Variants in ADAMTSL1 observed in about 807,000 individuals in gnomAD.
ADAMTSL1 encodes the protein ADAMTS like 1, also known as ADAMTS-like protein 1.
In ADAMTSL1, 126 loss-of-function variants were observed where a neutral mutation model predicts 201.8. That is an observed-to-expected ratio of 0.62 (90% CI 0.54 to 0.72). The LOEUF is 0.72. Among genes scored for constraint, ADAMTSL1 ranks in the 30% least tolerant of loss-of-function variants. The pLI, the probability that ADAMTSL1 is intolerant of heterozygous loss-of-function variation, is 0.00. For synonymous variants in ADAMTSL1, 1,121 were observed against 903.4 expected, an observed-to-expected ratio of 1.24 and a Z score of -4.32; for missense variants, 2,679 against 2,277.8, an observed-to-expected ratio of 1.18 and a Z score of -3.59.
intron 1 of ADAMTSL1, among the ~76,000 whole-genome samples, chr9:18,490,556 T>A (rs943992898): frequency 6.6e-6 from 1 of 152,120 alleles, no homozygotes; most frequent in African/African-American, 2.4e-5. Context: ...GGAAGAGACG[T>A]AGATTTGTAA....
At chr9:18,740,335 C>T (rs1253212325) in intron 15 of ADAMTSL1, among the ~76,000 whole-genome samples, 1 of 152,130 alleles carries the variant, frequency 6.6e-6, no homozygotes, top group Non-Finnish European at 1.5e-5. Flanking sequence ...GCCCAAAGCA[C>T]CACTGCTTCC....
At chr9:18,454,740 G>A (rs755285086) in intron 2 of ADAMTSL1, among the ~76,000 whole-genome samples, 4 of 152,028 alleles carry the variant, frequency 2.6e-5, no homozygotes, top group South Asian at 2.1e-4. Flanking sequence ...TGGAGCCGAG[G>A]CTAATGTGAA....
At chr9:18,352,508 C>T (rs920902323) in intron 2 of ADAMTSL1, among the ~76,000 whole-genome samples, 1 of 152,180 alleles carries the variant, frequency 6.6e-6, no homozygotes, top group African/African-American at 2.4e-5. Flanking sequence ...CAGTGCATGT[C>T]TTCTCTCTGG....
chr9:18,163,939 T>C (rs1379931823), exon 2 of ADAMTSL1: 2 of 152,018 alleles, frequency 1.3e-5, no homozygotes, highest in African/African-American at 4.8e-5. Context: ...TCCATGAAGA[T>C]TTCCTGTCTG....
At chr9:18,799,158 G>A (rs959558749) in intron 20 of ADAMTSL1, among the ~76,000 whole-genome samples, 1 of 152,154 alleles carries the variant, frequency 6.6e-6, no homozygotes, top group African/African-American at 2.4e-5. Context: ...CTGTTTCACT[G>A]CTCCAAGTGT....
At position 18,084,127 on chromosome 9, in the gene ADAMTSL1, A is replaced by G. The variant is rs142749571; in HGVS notation, c.88-79735A>G. Among the ~76,000 whole-genome samples the G allele has an allele frequency of 1.5e-3, 222 of 152,286 alleles. 1 individual carries two copies. Among genetic ancestry groups the G allele is most frequent in the African/African-American group, 5.2e-3 (216 of 41,566 alleles). On this transcript the variant is annotated intron_variant, in intron 1 of 29. Transcript: ENST00000680146. ...CAAATTCTTTGCCATGCGAGAATCA[A>G]TTTTTTGCCTTAGCTAAAACCCAAG...
At chr9:18,742,137 AT>A (rs1818867386) in intron 15 of ADAMTSL1, among the ~76,000 whole-genome samples, 1 of 152,188 alleles carries the variant, frequency 6.6e-6, no homozygotes, top group Non-Finnish European at 1.5e-5. Context: ...TAGTGACCTC[AT>A]TTTAACTTAA....
intron 1 of ADAMTSL1, among the ~76,000 whole-genome samples, chr9:18,479,801 G>A (rs1821631200): frequency 6.6e-6 from 1 of 152,120 alleles, no homozygotes; most frequent in South Asian, 2.1e-4. Flanking sequence ...GAATGACTTG[G>A]CAAGAAAAGG....
intron 1 of ADAMTSL1, among the ~76,000 whole-genome samples, chr9:18,480,285 T>C (rs1821657829): frequency 6.6e-6 from 1 of 152,138 alleles, no homozygotes; most frequent in South Asian, 2.1e-4. Context: ...TGTAATTGAG[T>C]TCTCATCAGT....
chr9:18,102,228 G>GT (rs527349400), intron 1 of ADAMTSL1, among the ~76,000 whole-genome samples: 5 of 151,844 alleles, frequency 3.3e-5, no homozygotes, highest in African/African-American at 1.2e-4. Flanking sequence ...GTATTTCATG[G>GT]TTTTTTTCTG....
chr9:18,671,133 A>G (rs763820577), intron 9 of ADAMTSL1, among the ~76,000 whole-genome samples: 135 of 152,296 alleles, frequency 8.9e-4, no homozygotes, highest in Admixed American at 1.8e-3. Context: ...TTTTCAGGCT[A>G]TGGTTGAATC....
At chr9:18,748,448 C>G (rs1819268205) in intron 15 of ADAMTSL1, among the ~76,000 whole-genome samples, 1 of 152,172 alleles carries the variant, frequency 6.6e-6, no homozygotes, top group Non-Finnish European at 1.5e-5. Context: ...CATAATCCAA[C>G]AAGCTAATCT....
At chr9:18,739,899 C>CTGTGTGTGTGTGTG (rs5896804) in intron 15 of ADAMTSL1, among the ~76,000 whole-genome samples, 1,622 of 148,196 alleles carry the variant, frequency 0.011, 13 homozygotes, top group East Asian at 0.018. Flanking sequence ...TGTCTACTAT[C>CTGTGTGTGTGTGTG]TGTGTGTGTG....
intron 3 of ADAMTSL1, among the ~76,000 whole-genome samples, chr9:18,569,536 AGTCTT>A (rs1272973844): frequency 3.9e-5 from 6 of 152,308 alleles, no homozygotes; most frequent in Middle Eastern, 3.4e-3. Flanking sequence ...CAAGAAAAAA[AGTCTT>A]AGATTGCTTT....
chr9:18,009,578 C>CT lies in ADAMTSL1; in HGVS notation c.87+102661dup. 2.0e-5 allele frequency among the ~76,000 whole-genome samples: 3 copies of CT among 152,120 alleles called. No homozygotes were observed. The East Asian group carries it at 5.8e-4, about 30-fold the overall frequency. ...GCATAATTTTGGATAAGAGAAACTACTTTTTCTCTGGTTTTCAGACTTGTT... is the reference window on the plus strand; with the variant it reads ...GCATAATTTTGGATAAGAGAAACTACTTTTTTCTCTGGTTTTCAGACTTGTT... On this transcript the variant is annotated intron_variant, in intron 1 of 29. Coordinates refer to the ADAMTSL1 transcript ENST00000680146.
chr9:18,607,105 G>A (rs1825070229), intron 4 of ADAMTSL1, among the ~76,000 whole-genome samples: 2 of 152,162 alleles, frequency 1.3e-5, no homozygotes, highest in African/African-American at 4.8e-5. Flanking sequence ...ATTGAGGTTG[G>A]AAATCATCTG....
intron 9 of ADAMTSL1, among the ~76,000 whole-genome samples, chr9:18,669,937 T>C (rs1351281001): frequency 6.6e-6 from 1 of 152,138 alleles, no homozygotes; most frequent in African/African-American, 2.4e-5. Flanking sequence ...GCCTCTCAGG[T>C]GATCCTTTTC....
At chr9:18,546,944 A>G (rs927064841) in intron 3 of ADAMTSL1, among the ~76,000 whole-genome samples, 1 of 152,148 alleles carries the variant, frequency 6.6e-6, no homozygotes, top group African/African-American at 2.4e-5. Context: ...CTGCTTTATG[A>G]TATCTCATAA....
chr9:18,126,535 C>T (rs999831172), intron 1 of ADAMTSL1, among the ~76,000 whole-genome samples: 4 of 152,174 alleles, frequency 2.6e-5, no homozygotes, highest in African/African-American at 4.8e-5. Context: ...ATGCACCACA[C>T]GTGGCAGAGT....
Sources: gnomAD v4.1 joint callset for allele counts (sites outside exome capture counted in the v4.1 genomes callset) on GRCh38, gnomAD v4.1.1 for gene constraint, MANE v1.5 for transcripts, NCBI Gene and HGNC (gene_info 2026-07-23, HGNC 2026-07-21) for gene names.